The following MB21D2 variants were observed in gnomAD, a reference collection of about 807,000 sequenced individuals.
MB21D2 encodes nucleotidyltransferase MB21D2.
A neutral mutation model predicts 33.3 loss-of-function variants in MB21D2; 9 were observed. That is an observed-to-expected ratio of 0.27 (90% confidence interval 0.16 to 0.47). MB21D2 has a LOEUF of 0.47. MB21D2 is among the 20% of genes least tolerant of loss of function. MB21D2 has a pLI of 0.99. For synonymous variants in MB21D2, 241 were observed against 236.3 expected, an observed-to-expected ratio of 1.02 and a Z score of -0.18; for missense variants, 540 against 624.6, an observed-to-expected ratio of 0.86 and a Z score of 1.44.
chr3:192,862,419 T>C (rs1713069026), intron 1 of MB21D2, among the ~76,000 whole-genome samples: 1 of 152,230 alleles, frequency 6.6e-6, no homozygotes, highest in African/African-American at 2.4e-5. Flanking sequence ...TTGGGTTCAA[T>C]AATAATAATT....
In MB21D2 at chr3:192,813,300, ATT is replaced by A. The variant is rs59125169; in HGVS notation, c.212-13652_212-13651del. The stretch of plus-strand genomic sequence containing the variant: ...TGTCCGCTTGCACTTACTGCAGTTA[ATT>A]TTTTTTTTTTTTTTTTAATGAACAA... On this transcript the variant is annotated intron_variant, in intron 1 of 1. Coordinates refer to ENST00000392452, the MANE Select transcript of MB21D2 (RefSeq NM_178496.4). 8.7e-3 allele frequency among the ~76,000 whole-genome samples: 376 copies of A among 43,016 alleles called. 2 individuals are homozygous for A. In the South Asian group the frequency reaches 0.1, roughly 12 times the overall value. 28.2% of individuals were successfully genotyped at this position (43,016 alleles called of 152,430 possible).
At chr3:192,917,420 G>A (rs144990025) in intron 1 of MB21D2, among the ~76,000 whole-genome samples, 54 of 152,308 alleles carry the variant, frequency 3.5e-4, no homozygotes, top group South Asian at 1.0e-3. Context: ...AGGGAGACCC[G>A]GCGTAAAGTA....
At chr3:192,844,158 C>T (rs566451208) in intron 1 of MB21D2, among the ~76,000 whole-genome samples, 1 of 152,338 alleles carries the variant, frequency 6.6e-6, no homozygotes, top group African/African-American at 2.4e-5. Context: ...CGCCAGCCCA[C>T]GGGGCATCTA....
chr3:192,880,213 G>C (rs557859255), intron 1 of MB21D2, among the ~76,000 whole-genome samples: 2 of 151,236 alleles, frequency 1.3e-5, no homozygotes. Flanking sequence ...CAGGCGTGGT[G>C]GTGGGCACCT....
At chr3:192,856,440 G>A (rs766900196) in intron 1 of MB21D2, among the ~76,000 whole-genome samples, 1 of 152,118 alleles carries the variant, frequency 6.6e-6, no homozygotes, top group Non-Finnish European at 1.5e-5. Context: ...CGGGAAATTA[G>A]GCAATAAGCA....
chr3:192,909,773 A>G (rs1714298928), intron 1 of MB21D2, among the ~76,000 whole-genome samples: 1 of 151,656 alleles, frequency 6.6e-6, no homozygotes, highest in South Asian at 2.1e-4. Context: ...TCTACTAAAA[A>G]TACAAAAAAT....
rs1720544170 is a variant in MB21D2, at chr3:192,797,327, C to A, written c.*1059G>T. ...AGTAGAGATTTTACAAAAAAGCTTA[C>A]CTCTATGACCCCAAAAGAAATAAAT... On this transcript the variant is annotated 3_prime_UTR_variant, in exon 2 of 2. Coordinates refer to ENST00000392452, the MANE Select transcript of MB21D2 (RefSeq NM_178496.4). 1 of 152,572 alleles carries A rather than the reference C, an allele frequency of 6.6e-6. No homozygotes were observed. The highest frequency in any genetic ancestry group is 2.1e-4 in the South Asian group (1 of 4,820). The allele number at this position is 152,572 out of a possible 1,614,324, so 9.5% of individuals were successfully genotyped here.
intron 1 of MB21D2, among the ~76,000 whole-genome samples, chr3:192,907,819 G>A (rs1368170018): frequency 1.3e-5 from 2 of 152,066 alleles, no homozygotes; most frequent in African/African-American, 2.4e-5. Context: ...CACACTAAAC[G>A]CCATAATGAG....
intron 1 of MB21D2, among the ~76,000 whole-genome samples, chr3:192,904,263 A>T (rs1302186497): frequency 6.6e-6 from 1 of 152,208 alleles, no homozygotes. Flanking sequence ...ATTCTGCCCC[A>T]AACTAGCTGT....
At chr3:192,899,327 G>A (rs995734891) in intron 1 of MB21D2, among the ~76,000 whole-genome samples, 2 of 152,102 alleles carry the variant, frequency 1.3e-5, no homozygotes, top group African/African-American at 2.4e-5. Context: ...TCAGGAGTTC[G>A]AGACCAGCCT....
chr3:192,877,852 C>T (rs895680651), intron 1 of MB21D2, among the ~76,000 whole-genome samples: 2 of 151,878 alleles, frequency 1.3e-5, no homozygotes, highest in Non-Finnish European at 2.9e-5. Context: ...GAAGTTGCCA[C>T]GTCTAAATTC....
At chr3:192,856,843 G>A (rs1712928901) in intron 1 of MB21D2, among the ~76,000 whole-genome samples, 1 of 152,150 alleles carries the variant, frequency 6.6e-6, no homozygotes, top group Admixed American at 6.6e-5. Flanking sequence ...GTGAGCCACT[G>A]TGCCTGGCCA....
chr3:192,872,456 G>C (rs1009665621), intron 1 of MB21D2, among the ~76,000 whole-genome samples: 9 of 151,502 alleles, frequency 5.9e-5, no homozygotes, highest in Non-Finnish European at 1.2e-4. Flanking sequence ...AGCGCCTGTA[G>C]TCCCAGCTAC....
intron 1 of MB21D2, among the ~76,000 whole-genome samples, chr3:192,897,239 C>T (rs1713997260): frequency 6.6e-6 from 1 of 152,104 alleles, no homozygotes; most frequent in Non-Finnish European, 1.5e-5. Context: ...ATGCAACAAA[C>T]TATGCAACAA....
rs114439410 is a variant in MB21D2 at position 192,843,147 on chromosome 3, A to C, written c.212-43497T>G. Among the ~76,000 whole-genome samples the C allele has an allele frequency of 7.5e-3, 1,138 of 152,336 alleles. 12 individuals are homozygous for C. The highest frequency in any genetic ancestry group is 0.027 in the African/African-American group (1,102 of 41,580). Reference sequence around the variant, plus strand: ...TCAGGTCACAGAGCCTGAAGATTACATGAGGGCTAGCATCCAGATTTACTA... The same window carrying C: ...TCAGGTCACAGAGCCTGAAGATTACCTGAGGGCTAGCATCCAGATTTACTA... On this transcript the variant is annotated intron_variant, in intron 1 of 1. Coordinates refer to ENST00000392452, the MANE Select transcript of MB21D2 (RefSeq NM_178496.4).
chr3:192,857,377 C>T (rs1237391946), intron 1 of MB21D2, among the ~76,000 whole-genome samples: 5 of 152,162 alleles, frequency 3.3e-5, no homozygotes, highest in Admixed American at 3.3e-4. Context: ...TAAAGAACTG[C>T]AGTCGTGTCA....
chr3:192,915,780 A>T (rs907740032), intron 1 of MB21D2, among the ~76,000 whole-genome samples: 2 of 152,162 alleles, frequency 1.3e-5, no homozygotes, highest in African/African-American at 4.8e-5. Context: ...GAAGTTCCTC[A>T]TGAGCCAGGC....
chr3:192,804,098 C>T (rs977941893), intron 1 of MB21D2, among the ~76,000 whole-genome samples: 6 of 152,064 alleles, frequency 3.9e-5, no homozygotes, highest in African/African-American at 1.2e-4. Flanking sequence ...TATATAGATA[C>T]TCAGGTCCTA....
chr3:192,912,840 G>C (rs1039168905), intron 1 of MB21D2, among the ~76,000 whole-genome samples: 1 of 152,162 alleles, frequency 6.6e-6, no homozygotes, highest in African/African-American at 2.4e-5. Context: ...CTCCAACTCT[G>C]AATGATCTTG....
Sources: allele counts gnomAD v4.1 joint callset (sites outside exome capture counted in the v4.1 genomes callset), GRCh38; gene constraint gnomAD v4.1.1; transcripts MANE v1.5; gene names NCBI Gene and HGNC (gene_info 2026-07-23, HGNC 2026-07-21).